Variants in IQGAP2 observed in about 807,000 individuals in gnomAD.
IQGAP2 encodes ras GTPase-activating-like protein IQGAP2.
IQGAP2 carries 173 observed loss-of-function variants against 201.3 expected under a neutral mutation model. The ratio of observed to expected loss-of-function variants is 0.86; its 90% CI spans 0.76 to 0.98. The LOEUF (loss-of-function observed/expected upper bound fraction) is 0.98. IQGAP2 is among the 50% of genes least tolerant of loss of function. The pLI is 0.00. For missense variants in IQGAP2, 1,687 were observed against 1,864.8 expected (o/e 0.90, Z 1.76); for synonymous variants, 675 against 673.9 (o/e 1.00, Z -0.03).
At position 76,613,766 on chromosome 5, in the gene IQGAP2, C is replaced by T. The variant is rs533824538; in HGVS notation, c.1521+2583C>T. On this transcript the variant is annotated intron_variant, in intron 13 of 35. Coordinates refer to ENST00000274364, the MANE Select transcript of IQGAP2 (RefSeq NM_006633.5). Reference sequence around the variant, plus strand: ...CTGGAGTGCCGTGGCGCCATATCAGCTCACGGAAACCTCCACCTCCCAGGT... The same window carrying T: ...CTGGAGTGCCGTGGCGCCATATCAGTTCACGGAAACCTCCACCTCCCAGGT... 5.3e-5 allele frequency among the ~76,000 whole-genome samples: 8 copies of T among 151,948 alleles called. No individual in the cohort carries two copies. In the South Asian group the frequency reaches 1.7e-3, roughly 31 times the overall value.
intron 13 of IQGAP2, among the ~76,000 whole-genome samples, chr5:76,627,148 G>A (rs1750319890): frequency 6.6e-6 from 1 of 152,190 alleles, no homozygotes. Flanking sequence ...CTTAGATGCA[G>A]CAGAAGCTGC....
rs538390600 is a variant in IQGAP2 at position 76,460,568 on chromosome 5, A to G, written c.47-1002A>G. On this transcript the variant is annotated intron_variant, in intron 1 of 35. Coordinates refer to ENST00000274364, the MANE Select transcript of IQGAP2 (RefSeq NM_006633.5). ...CTGTTCTGAGAGTTTTATGGGAGAGACATTAAGACCTGGACTCTCGCAATG... is the reference window on the plus strand; with the variant it reads ...CTGTTCTGAGAGTTTTATGGGAGAGGCATTAAGACCTGGACTCTCGCAATG... 3.9e-5 allele frequency among the ~76,000 whole-genome samples: 6 copies of G among 152,236 alleles called. 1 individual carries two copies. The South Asian group carries it at 1.2e-3, about 32-fold the overall frequency.
At chr5:76,543,694 G>C (rs764844804) in intron 2 of IQGAP2, among the ~76,000 whole-genome samples, 1 of 152,216 alleles carries the variant, frequency 6.6e-6, no homozygotes, top group Non-Finnish European at 1.5e-5. Flanking sequence ...ATAGTAGTCA[G>C]TTGTGAGTTT....
chr5:76,431,804 A>C (rs1490399593), intron 1 of IQGAP2, among the ~76,000 whole-genome samples: 1 of 145,118 alleles, frequency 6.9e-6, no homozygotes, highest in Non-Finnish European at 1.5e-5. Context: ...GCCTGGCGAC[A>C]GAGACTCTGT....
At chr5:76,432,161 T>C (rs1268417543) in intron 1 of IQGAP2, among the ~76,000 whole-genome samples, 2 of 113,172 alleles carry the variant, frequency 1.8e-5, no homozygotes, top group Admixed American at 1.1e-4. Flanking sequence ...AGTCTTGCTC[T>C]GTCACCCAGG....
rs557554396 is a variant in IQGAP2 at position 76,699,719 on chromosome 5, T to TTCTC, written c.4368-1342_4368-1339dup. On this transcript the variant is annotated intron_variant, in intron 33 of 35. Coordinates refer to ENST00000274364, the MANE Select transcript of IQGAP2 (RefSeq NM_006633.5). ...TCATTTGCTTCAGGCTTCTCTCTGT[T>TTCTC]TCTCTCTCTCTCTCTCTCACTCTCA... Among the ~76,000 whole-genome samples the TTCTC allele has an allele frequency of 9.0e-3, 183 of 20,430 alleles. 21 individuals are homozygous for TTCTC. Among genetic ancestry groups the TTCTC allele is most frequent in the Middle Eastern group, 0.043 (2 of 46 alleles). The allele number at this position is 20,430 out of a possible 152,430, so 13.4% of individuals were successfully genotyped here.
At position 76,658,676 on chromosome 5, in the gene IQGAP2, G is replaced by C. The variant is rs1388779101; in HGVS notation, c.2529+9G>C. On this transcript the variant is annotated intron_variant, in intron 21 of 35. Coordinates refer to ENST00000274364, the MANE Select transcript of IQGAP2 (RefSeq NM_006633.5). ...ACAGGATCACACTAGAGGTCAGTGG[G>C]GTTTTTGGGACTGTCAGCTCCCAGA... 1.2e-6 allele frequency: 2 copies of C among 1,612,330 alleles called. No homozygotes were observed. The highest frequency in any genetic ancestry group is 1.7e-5 in the Admixed American group (1 of 59,796).
intron 13 of IQGAP2, chr5:76,617,785 C>T (rs757538626): frequency 2.2e-5 from 36 of 1,613,412 alleles, no homozygotes; most frequent in Non-Finnish European, 2.1e-5. Flanking sequence ...GTAAAAATCA[C>T]AAGGATGAGG....
chr5:76,504,525 T>G (rs561667316), intron 2 of IQGAP2, among the ~76,000 whole-genome samples: 6 of 152,298 alleles, frequency 3.9e-5, no homozygotes, highest in Admixed American at 6.5e-5. Flanking sequence ...TGAGATTTCC[T>G]GCCAACTCCC....
intron 17 of IQGAP2, among the ~76,000 whole-genome samples, chr5:76,644,761 G>A (rs1016344360): frequency 2.6e-5 from 4 of 152,012 alleles, no homozygotes; most frequent in African/African-American, 9.7e-5. Flanking sequence ...TCATCTCAAA[G>A]GAACTAAAAC....
At chr5:76,416,437 G>A (rs1179315243) in intron 1 of IQGAP2, among the ~76,000 whole-genome samples, 1 of 152,202 alleles carries the variant, frequency 6.6e-6, no homozygotes, top group Non-Finnish European at 1.5e-5. Flanking sequence ...AATGAGAGAC[G>A]AGAAGCACTG....
intron 5 of IQGAP2, among the ~76,000 whole-genome samples, chr5:76,580,598 A>G (rs999020018): frequency 1.3e-5 from 2 of 152,142 alleles, no homozygotes; most frequent in Admixed American, 1.3e-4. Context: ...GACACTGTAT[A>G]TTATTCTCTT....
chr5:76,688,679 A>G (rs1745995559), intron 30 of IQGAP2, among the ~76,000 whole-genome samples: 1 of 152,228 alleles, frequency 6.6e-6, no homozygotes, highest in African/African-American at 2.4e-5. Flanking sequence ...AAGATAAAAA[A>G]TCTGAAACAC....
At chr5:76,569,021 C>G (rs1169269638) in intron 3 of IQGAP2, among the ~76,000 whole-genome samples, 1 of 152,176 alleles carries the variant, frequency 6.6e-6, no homozygotes, top group African/African-American at 2.4e-5. Context: ...TATAAACACT[C>G]AAACAGTATA....
intron 24 of IQGAP2, among the ~76,000 whole-genome samples, chr5:76,673,158 A>C (rs1276038275): frequency 6.6e-6 from 1 of 152,152 alleles, no homozygotes. Flanking sequence ...TTCTGTAATG[A>C]ACATTTGCTT....
Position 76,403,998 on chromosome 5 carries a change from G to C in IQGAP2, c.46+407G>C, listed in dbSNP as rs552561991. 2.0e-5 allele frequency among the ~76,000 whole-genome samples: 3 copies of C among 152,310 alleles called. No homozygotes were observed. In the East Asian group the frequency reaches 5.8e-4, roughly 29 times the overall value. Reference sequence around the variant, plus strand: ...CCAACCCAGAAGGGGAGGAAAGTTTGTTTGCTGTGGCTACAGGTGGGCACC... The same window carrying C: ...CCAACCCAGAAGGGGAGGAAAGTTTCTTTGCTGTGGCTACAGGTGGGCACC... On this transcript the variant is annotated intron_variant, in intron 1 of 35. Transcript: ENST00000274364. The surrounding 1 kb of genome is among the most constrained non-coding windows in gnomAD (Gnocchi z 4.8).
intron 6 of IQGAP2, 149 bp downstream of exon 6, chr5:76,589,122 A>G (rs537002290): frequency 0.011 from 2,667 of 248,906 alleles, 14 homozygotes; most frequent in Admixed American, 0.024. Flanking sequence ...GACCATCCTG[A>G]CTAACAGTGA....
intron 1 of IQGAP2, among the ~76,000 whole-genome samples, chr5:76,442,061 C>T (rs1753073163): frequency 6.6e-6 from 1 of 152,182 alleles, no homozygotes. Context: ...GCCTGAATCA[C>T]TCATAGATGA....
At chr5:76,599,020 A>G (rs1002703008) in intron 10 of IQGAP2, among the ~76,000 whole-genome samples, 2 of 152,196 alleles carry the variant, frequency 1.3e-5, no homozygotes, top group African/African-American at 2.4e-5. Context: ...ATGAATTTAA[A>G]ATACATAAAA....
Sources: gnomAD v4.1 joint callset for allele counts (sites outside exome capture counted in the v4.1 genomes callset) on GRCh38, gnomAD v4.1.1 for gene constraint, Gnocchi (gnomAD v3.1) non-coding constraint, MANE v1.5 for transcripts, NCBI Gene and HGNC (gene_info 2026-07-23, HGNC 2026-07-21) for gene names.